The following TBC1D23 variants were observed in gnomAD, a reference collection of about 807,000 sequenced individuals.
TBC1D23 encodes HCV non-structural protein 4A-transactivated protein 1.
Under a neutral mutation model 91.4 loss-of-function variants are expected in TBC1D23, and 55 were observed. The ratio of observed to expected loss-of-function variants is 0.60; its 90% confidence interval spans 0.48 to 0.75. The LOEUF is 0.75. TBC1D23 is among the 30% of genes least tolerant of loss of function. The pLI is 0.00. For missense variants in TBC1D23, 725 were observed against 836.1 expected (o/e 0.87, Z 1.64); for synonymous variants, 289 against 281.0 (o/e 1.03, Z -0.28).
chr3:100,285,011 A>G lies in TBC1D23; in HGVS notation c.476+1200A>G, dbSNP rs549530273. ...AGTTAACTGACTCTTATTTTTTACT[A>G]CTTTCTAAGTGATACCACACTGTAT... is the stretch of plus-strand genomic sequence containing the variant. On this transcript the variant is annotated intron_variant, in intron 4 of 18. Transcript: ENST00000394144. 4.3e-4 allele frequency among the ~76,000 whole-genome samples: 65 copies of G among 152,210 alleles called. 1 individual carries two copies. Among genetic ancestry groups the G allele is most frequent in the Middle Eastern group, 6.8e-3 (2 of 294 alleles).
chr3:100,271,002 G>T (rs901530219), intron 1 of TBC1D23, among the ~76,000 whole-genome samples: 2 of 152,080 alleles, frequency 1.3e-5, no homozygotes, highest in Non-Finnish European at 1.5e-5. Context: ...TTACAGAAAA[G>T]GATTCAATTT....
intron 4 of TBC1D23, among the ~76,000 whole-genome samples, chr3:100,284,610 C>T (rs2067724111): frequency 6.6e-6 from 1 of 151,634 alleles, no homozygotes; most frequent in Non-Finnish European, 1.5e-5. Context: ...GATGGCTTTC[C>T]CATGGTAAGT....
rs1705607321 is a variant in TBC1D23 at position 100,310,516 on chromosome 3, A to G, written c.1527A>G (p.Ile509Met). The change falls in exon 14 of 19, where the codon ATA becomes ATG. Residue 509 changes from isoleucine (I) to methionine (M), a missense_variant. Transcript: ENST00000394144. ...VNVREKVISF[I>M]ENTSTPVDRM... ...TCAGGGAAAAAGTTATCAGTTTTAT[A>G]GAGAATACATCAACTCCTGTGGATC... is the stretch of plus-strand genomic sequence containing the variant. 3.7e-6 allele frequency: 6 copies of G among 1,613,624 alleles called. No homozygotes were observed. Among genetic ancestry groups the G allele is most frequent in the Admixed American group, 1.7e-5 (1 of 60,008 alleles).
intron 1 of TBC1D23, among the ~76,000 whole-genome samples, chr3:100,270,978 C>T (rs1475086065): frequency 1.3e-5 from 2 of 152,016 alleles, no homozygotes; most frequent in African/African-American, 2.4e-5. Context: ...TGCTAGTCTT[C>T]ATTATTTTTA....
At chr3:100,261,432 G>A (rs986344540) in intron 1 of TBC1D23, 1 of 313,208 alleles carries the variant, frequency 3.2e-6, no homozygotes, top group Non-Finnish European at 6.0e-6. Context: ...TTTGTTGGAT[G>A]CAGATCTGAG....
intron 1 of TBC1D23, among the ~76,000 whole-genome samples, chr3:100,269,342 G>A (rs931846995): frequency 6.6e-6 from 1 of 152,170 alleles, no homozygotes; most frequent in Non-Finnish European, 1.5e-5. Flanking sequence ...TTTACAAATT[G>A]TTTAAAGCTG....
intron 1 of TBC1D23, among the ~76,000 whole-genome samples, chr3:100,269,784 C>T (rs1273935875): frequency 6.6e-6 from 1 of 152,210 alleles, no homozygotes; most frequent in Non-Finnish European, 1.5e-5. Flanking sequence ...GTGCTGATGT[C>T]TCATTCCCTG....
chr3:100,261,314 C>T (rs1023826253), intron 1 of TBC1D23: 1 of 559,722 alleles, frequency 1.8e-6, no homozygotes, highest in African/African-American at 1.9e-5. Context: ...TCAGAACGGT[C>T]CTCCTGTGTC....
At chr3:100,269,477 T>A (rs775477185) in intron 1 of TBC1D23, among the ~76,000 whole-genome samples, 3 of 152,210 alleles carry the variant, frequency 2.0e-5, no homozygotes, top group Non-Finnish European at 4.4e-5. Context: ...CAAATTGTTC[T>A]CACAAGACTT....
At chr3:100,315,154 CTTTTTTTTTTTT>C (rs397705981) in intron 15 of TBC1D23, among the ~76,000 whole-genome samples, 4,011 of 74,158 alleles carry the variant, frequency 0.054, 91 homozygotes, top group South Asian at 0.13. Context: ...GAGGCAGATT[CTTTTTTTTTTTT>C]TTTTTTTTTT....
chr3:100,290,867 C>A (rs2067784071), intron 5 of TBC1D23, among the ~76,000 whole-genome samples, 166 bp downstream of exon 5: 1 of 151,674 alleles, frequency 6.6e-6, no homozygotes, highest in Non-Finnish European at 1.5e-5. Flanking sequence ...ACTTTTTTTG[C>A]CCTTCACTCA....
chr3:100,288,793 T>C lies in TBC1D23; in HGVS notation c.477-1785T>C, dbSNP rs2148857759. ...ATAGAATTGAGGAATTAGTGAAGCC[T>C]ACTGGTCTAACTGAAGATTGAGTTA... On this transcript the variant is annotated intron_variant, in intron 4 of 18. Transcript: ENST00000394144. Among the ~76,000 whole-genome samples, 2 of 152,360 alleles carry C rather than the reference T, an allele frequency of 1.3e-5. 1 individual carries two copies. The highest frequency in any genetic ancestry group is 6.8e-3 in the Middle Eastern group (2 of 294).
At chr3:100,274,030 T>G (rs2067624925) in intron 1 of TBC1D23, among the ~76,000 whole-genome samples, 3 of 151,876 alleles carry the variant, frequency 2.0e-5, no homozygotes, top group Non-Finnish European at 1.5e-5. Context: ...AACTGAAAAG[T>G]GATTCACAAA....
intron 18 of TBC1D23, among the ~76,000 whole-genome samples, chr3:100,322,329 G>A (rs1287554548): frequency 2.0e-5 from 3 of 152,032 alleles, no homozygotes; most frequent in East Asian, 3.9e-4. Context: ...TCCTGACCTC[G>A]TGATCCACCC....
chr3:100,320,506 G>A (rs1261128710), intron 17 of TBC1D23, among the ~76,000 whole-genome samples: 2 of 151,996 alleles, frequency 1.3e-5, no homozygotes, highest in African/African-American at 4.8e-5. Flanking sequence ...TATTATTGTA[G>A]TGATTTCTAT....
intron 17 of TBC1D23, 92 bp downstream of exon 17, chr3:100,319,296 T>C: frequency 9.8e-7 from 1 of 1,017,768 alleles, no homozygotes; most frequent in Non-Finnish European, 1.5e-6. Flanking sequence ...TTATTTATCC[T>C]AGTACAATAA....
Position 100,324,671 on chromosome 3 carries a change from A to G in TBC1D23, c.*1003A>G, listed in dbSNP as rs746240632. 1.3e-5 allele frequency: 2 copies of G among 152,180 alleles called. No individual in the cohort carries two copies. The highest frequency in any genetic ancestry group is 2.9e-5 in the Non-Finnish European group (2 of 68,010). 9.4% of individuals were successfully genotyped at this position (152,180 alleles called of 1,614,324 possible). ...GTGGTTTGAAATTAGTTTTGGACAC[A>G]TTGTCTTAATGTACTGAAAATTGCT... On this transcript the variant is annotated 3_prime_UTR_variant, in exon 19 of 19. Coordinates refer to ENST00000394144, the MANE Select transcript of TBC1D23 (RefSeq NM_001199198.3).
At chr3:100,284,040 TG>T in intron 4 of TBC1D23, 1 of 456,580 alleles carries the variant, frequency 2.2e-6, no homozygotes, top group Non-Finnish European at 3.9e-6. Context: ...GGGTTGGAGT[TG>T]GGGAGGAAGT....
intron 8 of TBC1D23, among the ~76,000 whole-genome samples, chr3:100,296,872 A>AAG (rs2067846069): frequency 6.6e-6 from 1 of 151,724 alleles, no homozygotes; most frequent in African/African-American, 2.4e-5. Context: ...AAAAAAAAAA[A>AAG]AAAAAAATTA....
Sources: allele counts gnomAD v4.1 joint callset (sites outside exome capture counted in the v4.1 genomes callset), GRCh38; gene constraint gnomAD v4.1.1; transcripts MANE v1.5; gene names NCBI Gene and HGNC (gene_info 2026-07-23, HGNC 2026-07-21).